Variants in GABBR2 observed in about 807,000 individuals in gnomAD.
The protein encoded by GABBR2 is G-protein coupled receptor 51.
GABBR2 carries 23 observed loss-of-function variants against 105.6 expected under a neutral mutation model. The observed-to-expected ratio is 0.22, with a 90% CI of 0.16 to 0.31. The LOEUF is 0.31. Among genes scored for constraint, GABBR2 ranks in the 10% least tolerant of loss-of-function variants. The pLI is 1.00. For missense variants in GABBR2, 734 were observed against 1,245.5 expected (o/e 0.59, Z 6.18); for synonymous variants, 478 against 499.7 (o/e 0.96, Z 0.58).
chr9:98,509,935 C>T (rs1827601049), intron 3 of GABBR2, among the ~76,000 whole-genome samples: 1 of 152,120 alleles, frequency 6.6e-6, no homozygotes, highest in Admixed American at 6.6e-5. Context: ...CAAAGATACT[C>T]CTCGAGAAGA....
At chr9:98,593,410 A>C (rs1386319222) in intron 1 of GABBR2, among the ~76,000 whole-genome samples, 2 of 152,178 alleles carry the variant, frequency 1.3e-5, no homozygotes, top group African/African-American at 4.8e-5. Flanking sequence ...GTGAGAGACC[A>C]GTGCAGTGGT....
chr9:98,620,227 A>G (rs1377737519), intron 1 of GABBR2, among the ~76,000 whole-genome samples: 1 of 143,474 alleles, frequency 7.0e-6, no homozygotes, highest in African/African-American at 2.6e-5. Flanking sequence ...CTTTTCACCA[A>G]TCACTAATAT....
intron 1 of GABBR2, among the ~76,000 whole-genome samples, chr9:98,620,247 T>TCTCTCTCTC (rs1829649692): frequency 1.4e-5 from 2 of 146,508 alleles, no homozygotes; most frequent in Admixed American, 6.8e-5. Flanking sequence ...TTTTCTCTCT[T>TCTCTCTCTC]TCTCTCTCTC....
At chr9:98,489,098 G>A (rs528780160) in intron 4 of GABBR2, among the ~76,000 whole-genome samples, 50 of 152,332 alleles carry the variant, frequency 3.3e-4, no homozygotes, top group Middle Eastern at 3.4e-3. Flanking sequence ...AGCCAAGGAC[G>A]TTGTGGTAAA....
intron 7 of GABBR2, among the ~76,000 whole-genome samples, chr9:98,431,414 T>C (rs553514957): frequency 6.6e-6 from 1 of 152,244 alleles, no homozygotes; most frequent in African/African-American, 2.4e-5. Flanking sequence ...TCCTAGCTCC[T>C]AGGGCAGTAC....
intron 2 of GABBR2, among the ~76,000 whole-genome samples, chr9:98,559,123 C>T (rs909673790): frequency 2.0e-5 from 3 of 151,184 alleles, no homozygotes; most frequent in Non-Finnish European, 4.4e-5. Context: ...GTTTAATTAA[C>T]TAATTTATTT....
At chr9:98,508,568 T>C (rs2779560) in intron 3 of GABBR2, among the ~76,000 whole-genome samples, 7,289 of 152,292 alleles carry the variant, frequency 0.048, 262 homozygotes, top group South Asian at 0.13. Context: ...CCCACCCTAA[T>C]ACTGCGCTTT....
At chr9:98,327,006 G>A (rs540875352) in intron 13 of GABBR2, among the ~76,000 whole-genome samples, 1 of 152,214 alleles carries the variant, frequency 6.6e-6, no homozygotes, top group Non-Finnish European at 1.5e-5. Context: ...ATGAACTCTG[G>A]AGATTTGCAG....
chr9:98,488,497 CTTTTT>C (rs1295805892), intron 4 of GABBR2, among the ~76,000 whole-genome samples: 1 of 152,072 alleles, frequency 6.6e-6, no homozygotes, highest in Non-Finnish European at 1.5e-5. Flanking sequence ...TTTTCTTTTC[CTTTTT>C]TAAGAGTAGA....
chr9:98,514,543 G>T (rs1239065955), intron 3 of GABBR2, among the ~76,000 whole-genome samples: 1 of 148,744 alleles, frequency 6.7e-6, no homozygotes, highest in Non-Finnish European at 1.5e-5. Flanking sequence ...GCAAACTATC[G>T]CAAGGACAAA....
intron 7 of GABBR2, among the ~76,000 whole-genome samples, chr9:98,409,659 C>T (rs1391552501): frequency 2.6e-5 from 4 of 152,138 alleles, no homozygotes; most frequent in Non-Finnish European, 5.9e-5. Context: ...ATGCCCCCTC[C>T]CTGGGGGCAA....
rs150995070 is a variant in GABBR2 at position 98,548,392 on chromosome 9, C to G, written c.460-6349G>C. Among the ~76,000 whole-genome samples, 217 of 119,056 alleles carry G rather than the reference C, an allele frequency of 1.8e-3. 35 individuals carry two copies. Among genetic ancestry groups the G allele is most frequent in the African/African-American group, 5.7e-3 (211 of 37,326 alleles). 78.1% of individuals were successfully genotyped at this position (119,056 alleles called of 152,430 possible). A position where few individuals can be genotyped will look rare whatever the true frequency, so the allele number is the denominator to read the frequency against. ...TCTTTTACCCTCAGTGCCCAATTTT[C>G]TAATACTCTAGATCAACACAGTACA... On this transcript the variant is annotated intron_variant, in intron 2 of 18. Coordinates refer to ENST00000259455, the MANE Select transcript of GABBR2 (RefSeq NM_005458.8).
intron 6 of GABBR2, among the ~76,000 whole-genome samples, chr9:98,463,807 T>C (rs1826477228): frequency 6.6e-6 from 1 of 152,148 alleles, no homozygotes; most frequent in Admixed American, 6.5e-5. Flanking sequence ...GACTGGTTTT[T>C]GTATTTTTGG....
intron 2 of GABBR2, among the ~76,000 whole-genome samples, chr9:98,572,937 G>A (rs1482128595): frequency 6.6e-6 from 1 of 152,186 alleles, no homozygotes; most frequent in African/African-American, 2.4e-5. Context: ...TGCTAGGGCA[G>A]TATTGTCTGG....
chr9:98,382,019 G>T (rs1831985864), intron 11 of GABBR2, among the ~76,000 whole-genome samples: 1 of 152,178 alleles, frequency 6.6e-6, no homozygotes, highest in Non-Finnish European at 1.5e-5. Flanking sequence ...TTGTGAACAA[G>T]GCGAGATGTC....
At chr9:98,384,617 A>T (rs1249829092) in intron 11 of GABBR2, among the ~76,000 whole-genome samples, 2 of 152,154 alleles carry the variant, frequency 1.3e-5, no homozygotes, top group African/African-American at 4.8e-5. Context: ...ACAAAAAAAA[A>T]TAAAAGGCAT....
chr9:98,400,835 A>C (rs1832381775), intron 8 of GABBR2, among the ~76,000 whole-genome samples: 1 of 152,218 alleles, frequency 6.6e-6, no homozygotes, highest in Admixed American at 6.5e-5. Flanking sequence ...AAGCACACAC[A>C]CAAACACAAT....
intron 1 of GABBR2, among the ~76,000 whole-genome samples, chr9:98,682,241 C>G (rs553910225): frequency 7.1e-6 from 1 of 140,862 alleles, no homozygotes; most frequent in Non-Finnish European, 1.5e-5. Flanking sequence ...AAAAAAAAAA[C>G]AAAACAAAAA....
At chr9:98,527,110 T>TA (rs1564104339) in intron 3 of GABBR2, among the ~76,000 whole-genome samples, 1 of 136,014 alleles carries the variant, frequency 7.4e-6, no homozygotes, top group African/African-American at 2.6e-5. Flanking sequence ...ATATATATTA[T>TA]ATATATATAT....
Sources: allele counts gnomAD v4.1 joint callset (sites outside exome capture counted in the v4.1 genomes callset), GRCh38; gene constraint gnomAD v4.1.1; transcripts MANE v1.5; gene names NCBI Gene and HGNC (gene_info 2026-07-23, HGNC 2026-07-21).